The following DLGAP2 variants were observed in gnomAD, a reference collection of about 807,000 sequenced individuals.
The protein encoded by DLGAP2 is DLG associated protein 2, also known as disks large-associated protein 2.
Under a neutral mutation model 100.3 loss-of-function variants are expected in DLGAP2, and 26 were observed. The ratio of observed to expected loss-of-function variants is 0.26; its 90% confidence interval spans 0.19 to 0.36. The LOEUF is 0.36. DLGAP2 is among the 10% of genes least tolerant of loss of function. DLGAP2 has a pLI of 1.00. For synonymous variants in DLGAP2, 886 were observed against 630.1 expected, an observed-to-expected ratio of 1.41 and a Z score of -6.08; for missense variants, 1,858 against 1,453.2, an observed-to-expected ratio of 1.28 and a Z score of -4.53.
intron 2 of DLGAP2, among the ~76,000 whole-genome samples, chr8:1,203,017 T>TGG (rs2116764043): frequency 6.6e-6 from 1 of 152,226 alleles, no homozygotes; most frequent in South Asian, 2.1e-4. Flanking sequence ...CACCACCCCA[T>TGG]CCATCTGCCG....
intron 1 of DLGAP2, among the ~76,000 whole-genome samples, chr8:803,987 C>T (rs1178799907): frequency 6.6e-6 from 1 of 152,166 alleles, no homozygotes; most frequent in African/African-American, 2.4e-5. Context: ...GAATTTTAAG[C>T]TGCTGCCTTC....
chr8:1,049,149 G>A (rs73538172), intron 2 of DLGAP2, among the ~76,000 whole-genome samples: 21 of 152,264 alleles, frequency 1.4e-4, no homozygotes, highest in African/African-American at 5.1e-4. Context: ...TTTAGACGAC[G>A]ACTGGTGTCT....
At chr8:1,287,136 G>A (rs1241844882) in intron 3 of DLGAP2, among the ~76,000 whole-genome samples, 1 of 120,448 alleles carries the variant, frequency 8.3e-6, no homozygotes, top group African/African-American at 3.1e-5. Context: ...TTCAGCGTGT[G>A]TGTGTGTGTG....
chr8:1,352,340 T>C (rs550648783), intron 3 of DLGAP2, among the ~76,000 whole-genome samples: 39 of 151,690 alleles, frequency 2.6e-4, no homozygotes, highest in African/African-American at 8.9e-4. Flanking sequence ...GTGGAAAGGC[T>C]GTGCTCCTCC....
intron 2 of DLGAP2, among the ~76,000 whole-genome samples, chr8:1,139,122 G>A (rs1029762491): frequency 5.3e-5 from 8 of 152,236 alleles, no homozygotes; most frequent in African/African-American, 1.9e-4. Context: ...CTGAGCGCCT[G>A]CTGCCGGCCG....
rs533319505 is a variant in DLGAP2 at position 1,671,974 on chromosome 8, A to C, written c.2202+2190A>C. On this transcript the variant is annotated intron_variant, in intron 10 of 14. Transcript: ENST00000637795. ...GTCTGGCCTGACCTCGCTTTTCTTC[A>C]TTCCAATTGGACCATTTGTGTATTC... Among the ~76,000 whole-genome samples the C allele has an allele frequency of 6.6e-5, 10 of 152,276 alleles. No homozygotes were observed. The South Asian group carries it at 1.9e-3, about 28-fold the overall frequency.
intron 3 of DLGAP2, among the ~76,000 whole-genome samples, chr8:1,483,321 G>A (rs1325713924): frequency 1.3e-5 from 2 of 152,188 alleles, no homozygotes; most frequent in Non-Finnish European, 2.9e-5. Context: ...GAGCGTGGCG[G>A]GCAGAGACTG....
At chr8:1,519,493 T>G (rs148014298) in intron 4 of DLGAP2, among the ~76,000 whole-genome samples, 190 of 152,284 alleles carry the variant, frequency 1.2e-3, no homozygotes, top group African/African-American at 4.4e-3. Flanking sequence ...TCTTTTCAAG[T>G]CAATACTTTA....
chr8:1,300,351 G>T (rs796499563), intron 3 of DLGAP2: 3 of 152,302 alleles, frequency 2.0e-5, no homozygotes, highest in African/African-American at 7.2e-5. Flanking sequence ...AAGGGGCCCT[G>T]GACTGGATTT....
intron 8 of DLGAP2, among the ~76,000 whole-genome samples, 162 bp downstream of exon 8, chr8:1,633,208 G>T (rs968082047): frequency 9.9e-5 from 15 of 152,152 alleles, no homozygotes; most frequent in African/African-American, 3.6e-4. Flanking sequence ...ATTCGCAAGG[G>T]TGTTTTGTCT....
At chr8:1,303,402 CAAAAAA>C (rs374350701) in intron 3 of DLGAP2, among the ~76,000 whole-genome samples, 317 of 125,294 alleles carry the variant, frequency 2.5e-3, no homozygotes, top group Middle Eastern at 5.7e-3. Flanking sequence ...GTCTCAAAAA[CAAAAAA>C]AAAAAAAAAA....
chr8:1,138,219 C>G (rs991321552), intron 2 of DLGAP2, among the ~76,000 whole-genome samples: 5 of 152,212 alleles, frequency 3.3e-5, no homozygotes, highest in Admixed American at 3.3e-4. Flanking sequence ...TGGCTTTCCT[C>G]AATGCTCCCT....
At chr8:1,332,431 A>C (rs553843120) in intron 3 of DLGAP2, among the ~76,000 whole-genome samples, 11 of 151,850 alleles carry the variant, frequency 7.2e-5, no homozygotes, top group Admixed American at 7.2e-4. Flanking sequence ...GTCAGTGTAT[A>C]TATGTCTGTG....
intron 6 of DLGAP2, among the ~76,000 whole-genome samples, chr8:1,605,714 G>A (rs1796775421): frequency 6.6e-6 from 1 of 152,126 alleles, no homozygotes; most frequent in South Asian, 2.1e-4. Context: ...CTAACTGTCC[G>A]AGCCCACAGC....
intron 2 of DLGAP2, among the ~76,000 whole-genome samples, chr8:1,043,043 G>A (rs1258994408): frequency 2.7e-5 from 4 of 145,860 alleles, no homozygotes; most frequent in African/African-American, 1.0e-4. Context: ...GTGGGTGGTG[G>A]ATGTGGCTGG....
intron 3 of DLGAP2, among the ~76,000 whole-genome samples, chr8:1,428,609 C>T (rs1048185428): frequency 6.6e-6 from 1 of 152,214 alleles, no homozygotes; most frequent in Admixed American, 6.5e-5. Flanking sequence ...TAGACATTTA[C>T]AGGTACAGAA....
chr8:933,229 C>T (rs1326738367), intron 2 of DLGAP2, among the ~76,000 whole-genome samples: 1 of 152,254 alleles, frequency 6.6e-6, no homozygotes, highest in African/African-American at 2.4e-5. Context: ...ACATCTGCTG[C>T]TTCCTTGACC....
intron 4 of DLGAP2, among the ~76,000 whole-genome samples, chr8:1,519,260 C>T (rs1305706647): frequency 6.6e-6 from 1 of 152,102 alleles, no homozygotes; most frequent in Admixed American, 6.5e-5. Flanking sequence ...CGGCATGTCC[C>T]ATCCTACGCC....
In DLGAP2 at chr8:1,328,790, G is replaced by A. The variant is rs920783156; in HGVS notation, c.106+69907G>A. ...GAGACGGCGGAAATGTCGGGATGCC[G>A]CTTACGTATCGGGGTGTTTATGCAG... On this transcript the variant is annotated intron_variant, in intron 3 of 14. Transcript: ENST00000637795. Among the ~76,000 whole-genome samples the A allele has an allele frequency of 2.5e-4, 38 of 152,208 alleles. 2 individuals are homozygous for A. The highest frequency in any genetic ancestry group is 7.0e-4 in the African/African-American group (29 of 41,458).
Sources: gnomAD v4.1 joint callset for allele counts (sites outside exome capture counted in the v4.1 genomes callset) on GRCh38, gnomAD v4.1.1 for gene constraint, MANE v1.5 for transcripts, NCBI Gene and HGNC (gene_info 2026-07-23, HGNC 2026-07-21) for gene names.